IDE: variants seen among roughly 807,000 people sequenced by gnomAD.
The protein encoded by IDE is insulin-degrading enzyme.
IDE carries 58 observed loss-of-function variants against 133.2 expected under a neutral mutation model. That is an observed-to-expected ratio of 0.44 (90% CI 0.35 to 0.54). The LOEUF is 0.54. IDE is among the 20% of genes least tolerant of loss of function. The probability of loss-of-function intolerance (pLI) is 0.00; values close to 1 mark genes in which losing one functional copy is unlikely to be tolerated. For missense variants in IDE, 981 were observed against 1,234.0 expected, an observed-to-expected ratio of 0.79 and a Z score of 3.07; for synonymous variants, 396 against 421.3, an observed-to-expected ratio of 0.94 and a Z score of 0.73.
At chr10:92,567,140 C>G (rs1261558718) in intron 1 of IDE, among the ~76,000 whole-genome samples, 4 of 152,142 alleles carry the variant, frequency 2.6e-5, no homozygotes, top group African/African-American at 9.7e-5. Context: ...AACAGCCAGC[C>G]CAAAAGTGCC....
chr10:92,479,643 G>A, intron 14 of IDE: 1 of 439,038 alleles, frequency 2.3e-6, no homozygotes, highest in Admixed American at 3.6e-5. Context: ...GCGTGCGTGT[G>A]TGCGTGCGCA....
intron 1 of IDE, among the ~76,000 whole-genome samples, chr10:92,557,718 C>T (rs553293702): frequency 6.6e-6 from 1 of 151,504 alleles, no homozygotes; most frequent in South Asian, 2.1e-4. Context: ...GGTGAAACAC[C>T]ATTTCTACTA....
At chr10:92,522,685 T>C (rs1434654822) in intron 4 of IDE, among the ~76,000 whole-genome samples, 2 of 152,166 alleles carry the variant, frequency 1.3e-5, no homozygotes, top group Non-Finnish European at 2.9e-5. Flanking sequence ...AAGCTCCAAA[T>C]CTGGGCACAG....
chr10:92,481,492 C>CCCTAA (rs1846606035), intron 14 of IDE, among the ~76,000 whole-genome samples: 1 of 152,102 alleles, frequency 6.6e-6, no homozygotes, highest in Non-Finnish European at 1.5e-5. Context: ...GTGGAGAAGA[C>CCCTAA]CCTAAACTAA....
intron 1 of IDE, among the ~76,000 whole-genome samples, chr10:92,565,206 T>C (rs1212450949): frequency 1.4e-5 from 2 of 146,108 alleles, no homozygotes; most frequent in African/African-American, 5.1e-5. Context: ...ATCTCGCCAC[T>C]GCACTCCAGC....
chr10:92,472,945 T>A (rs1440816686), intron 17 of IDE, among the ~76,000 whole-genome samples: 1 of 148,752 alleles, frequency 6.7e-6, no homozygotes, highest in East Asian at 2.0e-4. Flanking sequence ...CCCAGAATTT[T>A]TTTTTTTTTT....
chr10:92,508,652 C>CA, intron 7 of IDE, 76 bp downstream of exon 7: 2 of 1,346,154 alleles, frequency 1.5e-6, no homozygotes, highest in South Asian at 2.4e-5. Context: ...CTTCATAGGA[C>CA]ACTATTCAGG....
chr10:92,455,931 A>C (rs980000947), intron 23 of IDE, among the ~76,000 whole-genome samples: 19 of 152,178 alleles, frequency 1.2e-4, no homozygotes, highest in African/African-American at 3.9e-4. Flanking sequence ...ACCCAGAAGG[A>C]CCTTGCTAGG....
At chr10:92,540,606 T>C (rs1282154127) in intron 1 of IDE, among the ~76,000 whole-genome samples, 1 of 152,218 alleles carries the variant, frequency 6.6e-6, no homozygotes, top group African/African-American at 2.4e-5. Context: ...TCTGTGGTGC[T>C]TGACCTAGTG....
chr10:92,556,097 C>T (rs192673213), intron 1 of IDE, among the ~76,000 whole-genome samples: 22 of 133,450 alleles, frequency 1.6e-4, no homozygotes, highest in East Asian at 9.7e-4. Context: ...GGCGTGAACC[C>T]GGGAAGCAGA....
At position 92,508,162 on chromosome 10, in the gene IDE, T is replaced by C; in HGVS notation, c.1104A>G (p.Arg368=). The C allele has an allele frequency of 3.1e-6, 5 of 1,613,904 alleles. No homozygotes were observed. Among genetic ancestry groups the C allele is most frequent in the Non-Finnish European group, 4.2e-6 (5 of 1,179,910 alleles). ...CATTAATGATAAAAAACATAAAACC[T>C]CGGGCTCCTTCCTTCTGCCCACCAA... is the stretch of plus-strand genomic sequence containing the variant. ...TLVGGQKEGA[R]GFMFFIINVD... The change falls in exon 8 of 25, where the codon CGA becomes CGG. Residue 368 remains arginine (R), a synonymous_variant. Transcript: ENST00000265986.
chr10:92,487,073 TCACC>T, intron 13 of IDE, 119 bp downstream of exon 13: 1 of 838,288 alleles, frequency 1.2e-6, no homozygotes, highest in Non-Finnish European at 1.8e-6. Context: ...AGCTTTTTTG[TCACC>T]TATTAGGATG....
At chr10:92,519,705 T>A (rs1849117593) in intron 4 of IDE, among the ~76,000 whole-genome samples, 2 of 152,236 alleles carry the variant, frequency 1.3e-5, no homozygotes, top group Admixed American at 1.3e-4. Flanking sequence ...ATTTCCTAGC[T>A]GTGAGACACA....
In IDE at chr10:92,529,904, TGTAA is replaced by T. The variant is rs1264378123; in HGVS notation, c.661+1840_661+1843del. ...TTCTGCAAAATAGCAGCATTGTTTG[TGTAA>T]GTATCTAACATACCAAAAGGACTAC... On this transcript the variant is annotated intron_variant, in intron 4 of 24. Transcript: ENST00000265986. Among the ~76,000 whole-genome samples the T allele has an allele frequency of 5.3e-5, 8 of 152,292 alleles. No individual in the cohort carries two copies. The East Asian group carries it at 1.5e-3, about 29-fold the overall frequency.
chr10:92,470,140 A>C, intron 18 of IDE, 114 bp downstream of exon 18: 1 of 627,800 alleles, frequency 1.6e-6, no homozygotes. Flanking sequence ...AGGGTTGAGT[A>C]AACTCTAATG....
intron 1 of IDE, among the ~76,000 whole-genome samples, chr10:92,565,467 C>T (rs932232814): frequency 6.6e-6 from 1 of 150,640 alleles, no homozygotes; most frequent in Non-Finnish European, 1.5e-5. Flanking sequence ...TTCTCAAGAC[C>T]CTATTCTCCC....
At position 92,534,779 on chromosome 10, in the gene IDE, A is replaced by G. The variant is rs369496161; in HGVS notation, c.290T>C (p.Leu97Ser). 14 of 1,612,030 alleles carry G rather than the reference A, an allele frequency of 8.7e-6. No homozygotes were observed. The South Asian group carries it at 1.5e-4, about 18-fold the overall frequency. The change falls in exon 3 of 25, where the codon TTG (leucine) becomes TCG (serine). Residue 97 changes from leucine (L) to serine (S), a missense_variant. Physicochemically the swap from Leu to Ser is moderately radical, Grantham distance 145. This residue lies in a region of IDE where 321 missense variants were observed against 339.3 expected (regional missense o/e 0.95). Coordinates refer to ENST00000265986, the MANE Select transcript of IDE (RefSeq NM_004969.4). ...SAALDVHIGS[L>S]SDPPNIAGLS... is the part of the protein sequence containing the mutation. Reference sequence around the variant, plus strand: ...GCCAGCAATATTTGGAGGATCCGACAATGAACCTGAAAGAGAAAACACGTA... The same window carrying G: ...GCCAGCAATATTTGGAGGATCCGACGATGAACCTGAAAGAGAAAACACGTA...
intron 22 of IDE, among the ~76,000 whole-genome samples, chr10:92,460,450 A>C (rs1845313543): frequency 6.6e-6 from 1 of 152,184 alleles, no homozygotes; most frequent in Non-Finnish European, 1.5e-5. Flanking sequence ...AGAAACTGAA[A>C]GGGTGCCTAA....
At chr10:92,537,233 G>C (rs1242428126) in intron 2 of IDE, 133 bp downstream of exon 2, 4 of 585,640 alleles carry the variant, frequency 6.8e-6, no homozygotes, top group Non-Finnish European at 1.1e-5. Context: ...AGCTTTACGA[G>C]GGTTCTGGTA....
Sources: gnomAD v4.1 joint callset for allele counts (sites outside exome capture counted in the v4.1 genomes callset) on GRCh38, gnomAD v4.1.1 for gene constraint, gnomAD v4.1.1 regional missense constraint, MANE v1.5 for transcripts, NCBI Gene and HGNC (gene_info 2026-07-23, HGNC 2026-07-21) for gene names.